The following HEMK2 variants were observed in gnomAD, a reference collection of about 807,000 sequenced individuals.
The protein encoded by HEMK2 is methyltransferase HEMK2.
At chr21:28,736,175 T>A in the HEMK2 span, among the ~76,000 whole-genome samples, 1 of 152,256 alleles carries the variant, frequency 6.6e-6, no homozygotes, top group Non-Finnish European at 1.5e-5. Flanking sequence ...CAATGCCTTA[T>A]GATAGCTCTT....
chr21:28,615,452 T>A, the HEMK2 span, among the ~76,000 whole-genome samples: 1 of 149,932 alleles, frequency 6.7e-6, no homozygotes, highest in Non-Finnish European at 1.5e-5. Context: ...AGAATGATAA[T>A]GAGATTAGAC....
At chr21:28,575,902 T>C in the HEMK2 span, among the ~76,000 whole-genome samples, 1 of 152,236 alleles carries the variant, frequency 6.6e-6, no homozygotes, top group African/African-American at 2.4e-5. Flanking sequence ...AATGCATCCA[T>C]GTTGTTCCAC....
chr21:28,582,692 C>A, the HEMK2 span, among the ~76,000 whole-genome samples: 1 of 152,100 alleles, frequency 6.6e-6, no homozygotes. Flanking sequence ...TTTCTTCATA[C>A]AAAATAATTT....
At chr21:28,852,475 A>G in the HEMK2 span, among the ~76,000 whole-genome samples, 11 of 152,186 alleles carry the variant, frequency 7.2e-5, no homozygotes, top group Non-Finnish European at 1.2e-4. Context: ...CCTGGAGTCA[A>G]TGTCAGCTCA....
chr21:28,721,501 C>A, the HEMK2 span, among the ~76,000 whole-genome samples: 7 of 151,984 alleles, frequency 4.6e-5, no homozygotes, highest in Admixed American at 4.6e-4. Flanking sequence ...CTTTTTTTAA[C>A]CTTTTTTAAA....
the HEMK2 span, among the ~76,000 whole-genome samples, chr21:28,748,475 A>G: frequency 6.6e-6 from 1 of 152,214 alleles, no homozygotes; most frequent in Non-Finnish European, 1.5e-5. Flanking sequence ...TGGCAGTGAC[A>G]TTGCTCTTCA....
At chr21:28,634,842 G>A in the HEMK2 span, among the ~76,000 whole-genome samples, 8 of 152,068 alleles carry the variant, frequency 5.3e-5, no homozygotes, top group East Asian at 1.2e-3. Flanking sequence ...CACATATTAC[G>A]TGCTATGTGA....
At chr21:28,868,790 T>C in the HEMK2 span, among the ~76,000 whole-genome samples, 1 of 152,236 alleles carries the variant, frequency 6.6e-6, no homozygotes, top group Admixed American at 6.5e-5. Flanking sequence ...TAAAATACAT[T>C]TTCCTGCTTT....
At chr21:28,653,819 C>A in the HEMK2 span, among the ~76,000 whole-genome samples, 1 of 152,074 alleles carries the variant, frequency 6.6e-6, no homozygotes, top group South Asian at 2.1e-4. Flanking sequence ...GCACTAGCAA[C>A]AAAACCAGAT....
At chr21:28,598,386 T>C in the HEMK2 span, among the ~76,000 whole-genome samples, 1 of 152,226 alleles carries the variant, frequency 6.6e-6, no homozygotes, top group Non-Finnish European at 1.5e-5. Flanking sequence ...CAGACAGTCA[T>C]TGCATGTCTT....
the HEMK2 span, among the ~76,000 whole-genome samples, chr21:28,803,402 A>G: frequency 2.6e-5 from 4 of 152,178 alleles, no homozygotes; most frequent in Non-Finnish European, 5.9e-5. Flanking sequence ...TTTTGAAATA[A>G]TAAGTTTTTA....
the HEMK2 span, among the ~76,000 whole-genome samples, chr21:28,880,793 C>G: frequency 6.6e-6 from 1 of 151,114 alleles, no homozygotes; most frequent in South Asian, 2.1e-4. Context: ...AAAATCACCA[C>G]GTTGATCTCA....
At chr21:28,687,483 G>A in the HEMK2 span, among the ~76,000 whole-genome samples, 84,619 of 152,078 alleles carry the variant, frequency 0.56, 26,214 homozygotes, top group East Asian at 0.84. Flanking sequence ...TTTATTTGCA[G>A]TGTGTTTTTA....
chr21:28,859,458 A>T, the HEMK2 span, among the ~76,000 whole-genome samples: 1 of 152,198 alleles, frequency 6.6e-6, no homozygotes. Flanking sequence ...TCTTAAATGT[A>T]TCTACTGAGT....
the HEMK2 span, among the ~76,000 whole-genome samples, chr21:28,842,806 G>T: frequency 6.6e-6 from 1 of 152,166 alleles, no homozygotes; most frequent in Non-Finnish European, 1.5e-5. Context: ...CAACTGGGAA[G>T]ATTTCCTCCT....
At chr21:28,809,822 T>G in the HEMK2 span, among the ~76,000 whole-genome samples, 1 of 152,216 alleles carries the variant, frequency 6.6e-6, no homozygotes, top group Admixed American at 6.5e-5. Context: ...TAGACAGTTG[T>G]ATCTATCTTG....
chr21:28,833,253 G>T, the HEMK2 span, among the ~76,000 whole-genome samples: 2 of 152,208 alleles, frequency 1.3e-5, no homozygotes, highest in Non-Finnish European at 2.9e-5. Flanking sequence ...AAACCGCACA[G>T]AATTTTAGCC....
chr21:28,658,240 G>A, the HEMK2 span, among the ~76,000 whole-genome samples: 1 of 151,956 alleles, frequency 6.6e-6, no homozygotes, highest in Non-Finnish European at 1.5e-5. Context: ...TTTGTAACTA[G>A]GATACTAATA....
At chr21:28,691,899 T>G in the HEMK2 span, among the ~76,000 whole-genome samples, 1 of 152,204 alleles carries the variant, frequency 6.6e-6, no homozygotes, top group Non-Finnish European at 1.5e-5. Context: ...ATATGCATTT[T>G]CACCAACACA....
Sources: gnomAD v4.1 joint callset for allele counts (sites outside exome capture counted in the v4.1 genomes callset) on GRCh38, gnomAD v4.1.1 for gene constraint, MANE v1.5 for transcripts, NCBI Gene and HGNC (gene_info 2026-07-23, HGNC 2026-07-21) for gene names.